The following HECW1 variants were observed in gnomAD, a reference collection of about 807,000 sequenced individuals.
HECW1 encodes E3 ubiquitin-protein ligase HECW1.
In HECW1, 61 loss-of-function variants were observed where a neutral mutation model predicts 182.3. That is an observed-to-expected ratio of 0.33 (90% CI 0.27 to 0.41). HECW1 has a LOEUF of 0.41. HECW1 is among the 10% of genes least tolerant of loss of function. The probability of loss-of-function intolerance (pLI) is 1.00; values close to 1 mark genes in which losing one functional copy is unlikely to be tolerated. For synonymous variants in HECW1, 859 were observed against 832.6 expected (o/e 1.03, Z -0.55); for missense variants, 1,739 against 2,108.9 (o/e 0.82, Z 3.44).
intron 5 of HECW1, among the ~76,000 whole-genome samples, chr7:43,333,039 A>C (rs757454850): frequency 6.6e-6 from 1 of 152,202 alleles, no homozygotes; most frequent in Non-Finnish European, 1.5e-5. Context: ...GTAGGCCAGT[A>C]GGGGTCCCAT....
At chr7:43,142,659 A>G (rs140833527) in intron 2 of HECW1, among the ~76,000 whole-genome samples, 4 of 152,212 alleles carry the variant, frequency 2.6e-5, no homozygotes, top group East Asian at 3.9e-4. Flanking sequence ...GGTAAATCCT[A>G]TGTGGCTTCT....
chr7:43,511,084 T>C (rs1308145434), intron 24 of HECW1: 1 of 152,258 alleles, frequency 6.6e-6, no homozygotes, highest in Non-Finnish European at 1.5e-5. Flanking sequence ...AATTGTGTGA[T>C]ACAGGGATTT....
At position 43,550,610 on chromosome 7, in the gene HECW1, G is replaced by A. The variant is rs563558579; in HGVS notation, c.4395+19G>A. 7 of 1,582,026 alleles carry A rather than the reference G, an allele frequency of 4.4e-6. No individual in the cohort carries two copies. In the East Asian group the frequency reaches 1.4e-4, roughly 31 times the overall value. ...CTACGAGGTGAGGCCCGGTGGCCTG[G>A]GGAAGGCAAGCTGTGGCCAGGGTGC... On this transcript the variant is annotated intron_variant, in intron 27 of 29. Coordinates refer to ENST00000395891, the MANE Select transcript of HECW1 (RefSeq NM_015052.5).
At chr7:43,481,852 G>T (rs1019944053) in intron 17 of HECW1, among the ~76,000 whole-genome samples, 4 of 151,808 alleles carry the variant, frequency 2.6e-5, no homozygotes, top group Non-Finnish European at 5.9e-5. Context: ...CAGGCATGGT[G>T]GCGGGTGCCT....
chr7:43,407,452 A>G (rs938088860), intron 7 of HECW1, 110 bp from the exon 8 acceptor site: 4 of 751,486 alleles, frequency 5.3e-6, no homozygotes, highest in African/African-American at 1.8e-5. Context: ...GTAACACTAG[A>G]GATCTAGTTC....
At chr7:43,442,210 T>C (rs978178962) in intron 9 of HECW1, among the ~76,000 whole-genome samples, 1 of 152,246 alleles carries the variant, frequency 6.6e-6, no homozygotes, top group African/African-American at 2.4e-5. Context: ...TTTTGCATAC[T>C]TGTAGGCTAA....
chr7:43,241,646 G>A (rs1798894785), intron 2 of HECW1, among the ~76,000 whole-genome samples: 1 of 150,996 alleles, frequency 6.6e-6, no homozygotes, highest in African/African-American at 2.4e-5. Flanking sequence ...GTGTGTGTGT[G>A]TGTGTGTGTG....
chr7:43,518,507 AC>A (rs1372908448), intron 24 of HECW1, among the ~76,000 whole-genome samples: 6 of 152,102 alleles, frequency 3.9e-5, no homozygotes, highest in East Asian at 1.9e-4. Flanking sequence ...AAAAAAAAAA[AC>A]GTATTTGAAT....
chr7:43,127,866 A>G (rs1786448706), intron 2 of HECW1, among the ~76,000 whole-genome samples: 2 of 151,018 alleles, frequency 1.3e-5, no homozygotes, highest in Admixed American at 1.3e-4. Context: ...AGGTGGCTAC[A>G]TTAAAAATTG....
chr7:43,482,548 C>G (rs1041441740), intron 17 of HECW1, among the ~76,000 whole-genome samples: 11 of 152,004 alleles, frequency 7.2e-5, no homozygotes, highest in Admixed American at 5.2e-4. Context: ...GGTTGAGTGG[C>G]AAGAGAGATG....
chr7:43,498,466 C>A (rs376712177), intron 19 of HECW1, among the ~76,000 whole-genome samples: 5 of 152,128 alleles, frequency 3.3e-5, no homozygotes, highest in African/African-American at 4.8e-5. Flanking sequence ...AGGCCAAAAT[C>A]ATTAAATTAG....
At chr7:43,225,056 C>T (rs897860304) in intron 2 of HECW1, among the ~76,000 whole-genome samples, 1 of 152,034 alleles carries the variant, frequency 6.6e-6, no homozygotes, top group African/African-American at 2.4e-5. Flanking sequence ...GCAGGTAAAT[C>T]CTGTAGCAAA....
intron 24 of HECW1, among the ~76,000 whole-genome samples, chr7:43,529,575 G>A (rs753350085): frequency 6.6e-5 from 10 of 152,048 alleles, no homozygotes; most frequent in African/African-American, 1.4e-4. Flanking sequence ...CCAAAATCAC[G>A]TCCACTGTGA....
chr7:43,192,183 T>A (rs890304625), intron 2 of HECW1, among the ~76,000 whole-genome samples: 4 of 152,172 alleles, frequency 2.6e-5, no homozygotes, highest in Admixed American at 1.3e-4. Context: ...GGTCTCAAAC[T>A]CCTGACCTCA....
Position 43,564,288 on chromosome 7 carries a change from C to A in HECW1, c.*2362C>A, listed in dbSNP as rs962422320. Reference sequence around the variant, plus strand: ...TCAAGCACTCTCTTTCTAGTACTCACATTATTTGTCAGGCATTGGAAAAGG... The same window carrying A: ...TCAAGCACTCTCTTTCTAGTACTCAAATTATTTGTCAGGCATTGGAAAAGG... On this transcript the variant is annotated 3_prime_UTR_variant, in exon 30 of 30. Coordinates refer to ENST00000395891, the MANE Select transcript of HECW1 (RefSeq NM_015052.5). The A allele has an allele frequency of 1.6e-5, 3 of 188,184 alleles. No homozygotes were observed. The highest frequency in any genetic ancestry group is 7.0e-5 in the African/African-American group (3 of 42,860). The allele number at this position is 188,184 out of a possible 1,614,324, so 11.7% of individuals were successfully genotyped here. A position where few individuals can be genotyped will look rare whatever the true frequency, so the allele number is the denominator to read the frequency against.
At chr7:43,382,368 G>C (rs1273604484) in intron 6 of HECW1, among the ~76,000 whole-genome samples, 1 of 152,170 alleles carries the variant, frequency 6.6e-6, no homozygotes, top group Admixed American at 6.5e-5. Flanking sequence ...CAATGCCTGT[G>C]ATGCTCTCAG....
Position 43,284,205 on chromosome 7 carries a change from AATTTTCTT to A in HECW1, c.28-27557_28-27550del, listed in dbSNP as rs575857077. On this transcript the variant is annotated intron_variant, in intron 3 of 29. Coordinates refer to ENST00000395891, the MANE Select transcript of HECW1 (RefSeq NM_015052.5). ...GGACTGTTTTTCCCAGATCTGAAAT[AATTTTCTT>A]TTTTAAACATTTTTTAATTGACAAA... Among the ~76,000 whole-genome samples the A allele has an allele frequency of 8.9e-3, 1,352 of 152,300 alleles. 13 individuals are homozygous for A. Among genetic ancestry groups the A allele is most frequent in the African/African-American group, 0.031 (1,306 of 41,548 alleles).
intron 6 of HECW1, among the ~76,000 whole-genome samples, chr7:43,364,037 C>T (rs1816302462): frequency 6.6e-6 from 1 of 152,176 alleles, no homozygotes; most frequent in African/African-American, 2.4e-5. Context: ...GGAGTGTCAA[C>T]TTCTAGGTTG....
At chr7:43,339,391 C>CT (rs1160295664) in intron 5 of HECW1, among the ~76,000 whole-genome samples, 14 of 152,308 alleles carry the variant, frequency 9.2e-5, no homozygotes, top group African/African-American at 3.4e-4. Context: ...TGATCTCCTG[C>CT]TAAACACATG....
Sources: gnomAD v4.1 joint callset for allele counts (sites outside exome capture counted in the v4.1 genomes callset) on GRCh38, gnomAD v4.1.1 for gene constraint, MANE v1.5 for transcripts, NCBI Gene and HGNC (gene_info 2026-07-23, HGNC 2026-07-21) for gene names.